The following ATP1A3 variants were observed in gnomAD, a reference collection of about 807,000 sequenced individuals.
ATP1A3 encodes sodium/potassium-transporting ATPase subunit alpha-3.
ATP1A3 carries 12 observed loss-of-function variants against 108.8 expected under a neutral mutation model. That is an observed-to-expected ratio of 0.11 (90% CI 0.07 to 0.18). ATP1A3 has a LOEUF of 0.18. Among genes scored for constraint, ATP1A3 ranks in the 10% least tolerant of loss-of-function variants. The pLI is 1.00. For synonymous variants in ATP1A3, 539 were observed against 564.5 expected, an observed-to-expected ratio of 0.95 and a Z score of 0.64; for missense variants, 498 against 1,387.7, an observed-to-expected ratio of 0.36 and a Z score of 10.19.
Position 41,968,949 on chromosome 19 carries a change from G to C in ATP1A3, c.2689-34C>G, listed in dbSNP as rs782434095. 2 of 1,613,136 alleles carry C rather than the reference G, an allele frequency of 1.2e-6. No individual in the cohort carries two copies. The highest frequency in any genetic ancestry group is 2.2e-5 in the South Asian group (2 of 91,076). Reference sequence around the variant, plus strand: ...GCGGTGACCAGGGCACGGGACGTCAGTTAGTGGCACTGCAGCCCTAGCCGC... The same window carrying C: ...GCGGTGACCAGGGCACGGGACGTCACTTAGTGGCACTGCAGCCCTAGCCGC... On this transcript the variant is annotated intron_variant, in intron 19 of 22. Coordinates refer to ENST00000648268, the MANE Select transcript of ATP1A3 (RefSeq NM_152296.5). The surrounding 1 kb of genome is among the most constrained non-coding windows in gnomAD (Gnocchi z 5.0).
At chr19:41,990,580 C>T (rs2075327933) in intron 1 of ATP1A3, among the ~76,000 whole-genome samples, 1 of 150,648 alleles carries the variant, frequency 6.6e-6, no homozygotes. Context: ...TCTCTTACTA[C>T]CTCATCCTGG....
chr19:41,976,835 C>T (rs990705138), intron 14 of ATP1A3, among the ~76,000 whole-genome samples: 3 of 151,852 alleles, frequency 2.0e-5, no homozygotes, highest in Admixed American at 6.6e-5. Context: ...GATGGAGTCT[C>T]GCTCTGTCAC....
At position 41,988,118 on chromosome 19, in the gene ATP1A3, G is replaced by T; in HGVS notation, c.175C>A (p.Gln59Lys). 1 of 1,614,070 alleles carries T rather than the reference G, an allele frequency of 6.2e-7. No individual in the cohort carries two copies. The highest frequency in any genetic ancestry group is 8.5e-7 in the Non-Finnish European group (1 of 1,179,986). Residue 59 changes from glutamine to lysine, a missense_variant, in exon 4 of 23, where the codon CAG becomes AAG. By Grantham distance (53) the Gln-to-Lys change is moderately conservative (BLOSUM62 1). Transcript: ENST00000648268. The surrounding 1 kb of genome is among the most constrained non-coding windows in gnomAD (Gnocchi z 5.3). ...GGCCCATCCCGGGCCAGGATCTCCT[G>T]GGCTTTGCTGTGGGTCAAACCCTGA... is the stretch of plus-strand genomic sequence containing the variant. The part of the protein sequence containing the change: ...CVQGLTHSKA[Q>K]EILARDGPNA...
At position 41,977,862 on chromosome 19, in the gene ATP1A3, T is replaced by C. The variant is rs1395638207; in HGVS notation, c.1943+74A>G. 21 of 1,573,806 alleles carry C rather than the reference T, an allele frequency of 1.3e-5. No homozygotes were observed. The East Asian group carries it at 2.0e-4, about 15-fold the overall frequency. On this transcript the variant is annotated intron_variant, in intron 14 of 22. Coordinates refer to ENST00000648268, the MANE Select transcript of ATP1A3 (RefSeq NM_152296.5). ...ATGGGACAGGCAGTGCAGAGGGAGG[T>C]TGGGGGGAAGCGGTCCCCCTGTGTC...
Position 41,967,424 on chromosome 19 carries a change from G to A in ATP1A3, c.2922-84C>T. 6.8e-7 allele frequency: 1 copy of A among 1,464,424 alleles called. No individual in the cohort carries two copies. The highest frequency in any genetic ancestry group is 1.8e-5 in the Admixed American group (1 of 54,126). The allele number at this position is 1,464,424 out of a possible 1,614,324, so 90.7% of individuals were successfully genotyped here. On this transcript the variant is annotated intron_variant, in intron 21 of 22. Transcript: ENST00000648268. This position sits in a 1 kb window ranked among gnomAD's most constrained non-coding sequence, Gnocchi z 4.2. ...AGGGGACTGGAGGGGACGCAGAGGG[G>A]CAGTCTCCCAGGATCCTTCGTGCTC... is the stretch of plus-strand genomic sequence containing the variant.
chr19:41,987,641 G>T (rs868970302), intron 4 of ATP1A3, among the ~76,000 whole-genome samples: 6 of 152,150 alleles, frequency 3.9e-5, no homozygotes, highest in South Asian at 2.1e-4. Context: ...CTGGGTATCT[G>T]TCAAGCCATG....
At chr19:41,993,485 C>T in intron 1 of ATP1A3, 1 of 1,433,934 alleles carries the variant, frequency 7.0e-7, no homozygotes, top group Non-Finnish European at 9.4e-7. Context: ...CCCCAGGCTG[C>T]GACACTGCGG....
chr19:41,972,154 G>A (rs2075116374), intron 16 of ATP1A3, among the ~76,000 whole-genome samples: 1 of 152,144 alleles, frequency 6.6e-6, no homozygotes, highest in Admixed American at 6.5e-5. Context: ...GGAGGCTGAG[G>A]CAGGAGAATC....
chr19:41,990,503 C>T (rs2075327149), intron 1 of ATP1A3, among the ~76,000 whole-genome samples: 2 of 136,946 alleles, frequency 1.5e-5, no homozygotes, highest in African/African-American at 5.6e-5. Flanking sequence ...TTCTCTCTCT[C>T]CCTCTCTCTG....
rs782778845 is a variant in ATP1A3 at position 41,978,106 on chromosome 19, C to T, written c.1807-34G>A. ...ATTGTTTTTTAGGGATGGCCTCTCC[C>T]GCCCCACGCCTGGCTTTGCCTCCCC... is the stretch of plus-strand genomic sequence containing the variant. On this transcript the variant is annotated intron_variant, in intron 13 of 22. Transcript: ENST00000648268. This position sits in a 1 kb window ranked among gnomAD's most constrained non-coding sequence, Gnocchi z 8.3. 45 of 1,614,120 alleles carry T rather than the reference C, an allele frequency of 2.8e-5. No homozygotes were observed. Among genetic ancestry groups the T allele is most frequent in the Middle Eastern group, 1.6e-4 (1 of 6,084 alleles).
Position 41,967,150 on chromosome 19 carries a change from G to A in ATP1A3, c.3013+99C>T. The A allele has an allele frequency of 6.3e-7, 1 of 1,585,888 alleles. No homozygotes were observed. ...GAAGAGAGAGAAGAGTGGGAACCAG[G>A]TGGCAGAGCCATCCAGCAGGGCGAG... is the stretch of plus-strand genomic sequence containing the variant. On this transcript the variant is annotated intron_variant, in intron 22 of 22. Transcript: ENST00000648268. The surrounding 1 kb of genome is among the most constrained non-coding windows in gnomAD (Gnocchi z 4.2).
chr19:41,988,325 C>A lies in ATP1A3; in HGVS notation c.146G>T (p.Cys49Phe). Residue 49 changes from cysteine to phenylalanine, a missense_variant, in exon 3 of 23, where the codon TGT (cysteine) becomes TTT (phenylalanine). This residue lies in a region of ATP1A3 where 127 missense variants were observed against 464.0 expected (regional missense o/e 0.27). Transcript: ENST00000648268. The surrounding 1 kb of genome is among the most constrained non-coding windows in gnomAD (Gnocchi z 5.3). ...EEVCRKYNTDCVQGLTHSKAQ... is the reference protein window; with the variant it reads ...EEVCRKYNTDFVQGLTHSKAQ... Reference sequence around the variant, plus strand: ...CCCACAGCCTGGCCACACCTGCACACAGTCTGTGTTGTATTTCCGGCAGAC... The same window carrying A: ...CCCACAGCCTGGCCACACCTGCACAAAGTCTGTGTTGTATTTCCGGCAGAC... The A allele has an allele frequency of 6.2e-7, 1 of 1,614,110 alleles. No homozygotes were observed.
In ATP1A3 at chr19:41,985,164, C is replaced by T. The variant is rs1568864760; in HGVS notation, c.747G>A (p.Val249=). 5 of 1,613,228 alleles carry T rather than the reference C, an allele frequency of 3.1e-6. No individual in the cohort carries two copies. The highest frequency in any genetic ancestry group is 4.2e-6 in the Non-Finnish European group (5 of 1,179,506). The change falls in exon 8 of 23, where the codon GTG becomes GTA. Residue 249 remains valine (V), a synonymous_variant. Coordinates refer to ENST00000648268, the MANE Select transcript of ATP1A3 (RefSeq NM_152296.5). This position sits in a 1 kb window ranked among gnomAD's most constrained non-coding sequence, Gnocchi z 8.2. ...CVEGTARGVV[V]ATGDRTVMGR... ...CCATGACAGTGCGGTCGCCCGTGGC[C>T]ACCACCACGCCCCGAGCCGTGCCTG...
At chr19:41,993,301 C>T (rs1330524618) in intron 1 of ATP1A3, 6 of 1,302,302 alleles carry the variant, frequency 4.6e-6, no homozygotes, top group Admixed American at 2.0e-5. Context: ...CAAGGACACA[C>T]GGACACAGAG....
At chr19:41,986,263 C>T (rs782097814) in intron 4 of ATP1A3, 34 bp from the exon 5 acceptor site, 6 of 1,601,044 alleles carry the variant, frequency 3.7e-6, no homozygotes, top group South Asian at 2.2e-5. Context: ...GATCAGGGGC[C>T]GCCCAAGCCA....
At position 41,988,164 on chromosome 19, in the gene ATP1A3, A is replaced by T. The variant is rs1555866110; in HGVS notation, c.154-25T>A. On this transcript the variant is annotated intron_variant, in intron 3 of 22. Coordinates refer to ENST00000648268, the MANE Select transcript of ATP1A3 (RefSeq NM_152296.5). The surrounding 1 kb of genome is among the most constrained non-coding windows in gnomAD (Gnocchi z 5.3). ...CCTGAGGGACAGAGGACTCACACAG[A>T]ACCCTCCCTGGGCAACCCTGGCACC... 2.5e-6 allele frequency: 4 copies of T among 1,613,974 alleles called. No homozygotes were observed. The highest frequency in any genetic ancestry group is 3.4e-6 in the Non-Finnish European group (4 of 1,179,940).
Position 41,967,598 on chromosome 19 carries a change from G to T in ATP1A3, c.2921+64C>A. 6.4e-7 allele frequency: 1 copy of T among 1,553,520 alleles called. No individual in the cohort carries two copies. Among genetic ancestry groups the T allele is most frequent in the Non-Finnish European group, 8.8e-7 (1 of 1,132,396 alleles). On this transcript the variant is annotated intron_variant, in intron 21 of 22. Transcript: ENST00000648268. This position sits in a 1 kb window ranked among gnomAD's most constrained non-coding sequence, Gnocchi z 4.2. ...AGGTGGGGCCTGAGGTTCAGGCTGAGTCTAAGGGAAGGCTCCATGGCAGGC... is the reference window on the plus strand; with the variant it reads ...AGGTGGGGCCTGAGGTTCAGGCTGATTCTAAGGGAAGGCTCCATGGCAGGC...
intron 16 of ATP1A3, among the ~76,000 whole-genome samples, chr19:41,973,466 G>A (rs554110707): frequency 1.3e-5 from 2 of 152,244 alleles, no homozygotes; most frequent in East Asian, 3.9e-4. Flanking sequence ...TTGTTGTACA[G>A]GCAGGTCTTG....
chr19:41,987,722 A>G (rs560552293), intron 4 of ATP1A3, among the ~76,000 whole-genome samples: 4 of 152,286 alleles, frequency 2.6e-5, no homozygotes, highest in African/African-American at 9.6e-5. Flanking sequence ...CGGCTCACAC[A>G]TCCTGCTGTG....
Sources: gnomAD v4.1 joint callset for allele counts (sites outside exome capture counted in the v4.1 genomes callset) on GRCh38, gnomAD v4.1.1 for gene constraint, gnomAD v4.1.1 regional missense constraint, Gnocchi (gnomAD v3.1) non-coding constraint, MANE v1.5 for transcripts, NCBI Gene and HGNC (gene_info 2026-07-23, HGNC 2026-07-21) for gene names.